The following IRAG2 variants were observed in gnomAD, a reference collection of about 807,000 sequenced individuals.
IRAG2 encodes inositol 1,4,5-triphosphate receptor associated 2, also known as lymphoid restricted membrane protein.
A neutral mutation model predicts 69.9 loss-of-function variants in IRAG2; 45 were observed. The observed-to-expected ratio is 0.64, with a 90% confidence interval of 0.51 to 0.83. The LOEUF (loss-of-function observed/expected upper bound fraction) is 0.83, where lower values mean the gene tolerates loss of function less well. IRAG2 is among the 40% of genes least tolerant of loss of function. IRAG2 has a pLI of 0.00. For synonymous variants in IRAG2, 193 were observed against 202.4 expected (o/e 0.95, Z 0.40); for missense variants, 520 against 587.0 (o/e 0.89, Z 1.18).
intron 6 of IRAG2, among the ~76,000 whole-genome samples, chr12:25,073,258 AT>A (rs1226461258): frequency 6.6e-5 from 10 of 152,124 alleles, no homozygotes; most frequent in African/African-American, 2.2e-4. Context: ...TTATTTGTGT[AT>A]TAGGTGATAA....
At chr12:25,099,945 A>G (rs939050692) in intron 15 of IRAG2, among the ~76,000 whole-genome samples, 1 of 131,254 alleles carries the variant, frequency 7.6e-6, no homozygotes. Flanking sequence ...GGTTGCAATG[A>G]GCCGAGATCG....
chr12:25,072,438 C>T (rs1316776347), intron 6 of IRAG2, among the ~76,000 whole-genome samples: 1 of 152,136 alleles, frequency 6.6e-6, no homozygotes, highest in Non-Finnish European at 1.5e-5. Context: ...AGCCTGGTAA[C>T]TGTACTCTCT....
chr12:25,062,248 TA>T (rs1276986419), intron 2 of IRAG2, among the ~76,000 whole-genome samples: 1 of 152,042 alleles, frequency 6.6e-6, no homozygotes, highest in Non-Finnish European at 1.5e-5. Flanking sequence ...AGAAGGGTGA[TA>T]TTTGCATGTA....
At chr12:25,000,131 T>C (rs565321734), upstream of IRAG2, among the ~76,000 whole-genome samples, 3 of 152,310 alleles carry the variant, frequency 2.0e-5, no homozygotes, top group East Asian at 1.9e-4. Context: ...TGGTTGGCTG[T>C]CTAAAGGGAT....
At chr12:25,026,228 A>G (rs1450137016) in intron 8 of IRAG2, among the ~76,000 whole-genome samples, 1 of 152,222 alleles carries the variant, frequency 6.6e-6, no homozygotes, top group Admixed American at 6.5e-5. Flanking sequence ...TATGATCACC[A>G]GTAAACACTG....
intron 14 of IRAG2, chr12:25,091,234 A>G (rs2140174839): frequency 6.4e-6 from 1 of 156,534 alleles, no homozygotes; most frequent in African/African-American, 2.4e-5. Flanking sequence ...CAGATCTTGA[A>G]ACTCTGTACC....
chr12:25,092,133 C>T (rs11609915), intron 14 of IRAG2, among the ~76,000 whole-genome samples: 69,570 of 149,870 alleles, frequency 0.46, 18,434 homozygotes, highest in East Asian at 0.8. Flanking sequence ...GGTGTGGTAG[C>T]GGGCGTCTGT....
intron 1 of IRAG2, among the ~76,000 whole-genome samples, chr12:25,056,038 TTTC>T: frequency 6.6e-6 from 1 of 152,336 alleles, no homozygotes; most frequent in South Asian, 2.1e-4. Context: ...TATAGCATAA[TTTC>T]TTATTTGAAC....
intron 1 of IRAG2, chr12:25,005,152 G>C (rs1173174326): frequency 3.3e-6 from 2 of 607,924 alleles, no homozygotes; most frequent in Non-Finnish European, 4.8e-6. Flanking sequence ...ATTATGATAG[G>C]TTTTCTTTGT....
intron 14 of IRAG2, 142 bp downstream of exon 14, chr12:25,090,339 C>T: frequency 1.6e-6 from 1 of 630,164 alleles, no homozygotes; most frequent in East Asian, 3.0e-5. Flanking sequence ...GCCCGGAGTT[C>T]AAGATCATCC....
chr12:25,092,123 G>A lies in IRAG2; in HGVS notation c.606+1926G>A, dbSNP rs545080248. On this transcript the variant is annotated intron_variant, in intron 14 of 21. Coordinates refer to ENST00000556887, the MANE Select transcript of IRAG2 (RefSeq NM_001366544.2). Reference sequence around the variant, plus strand: ...CTACTACAAATACAAAAATTAGCCAGGTGTGGTAGCGGGCGTCTGTAGTCC... The same window carrying A: ...CTACTACAAATACAAAAATTAGCCAAGTGTGGTAGCGGGCGTCTGTAGTCC... 2.6e-5 allele frequency among the ~76,000 whole-genome samples: 4 copies of A among 151,936 alleles called. No homozygotes were observed. In the South Asian group the frequency reaches 8.4e-4, roughly 32 times the overall value.
chr12:25,040,608 G>A (rs56133364), intron 16 of IRAG2, among the ~76,000 whole-genome samples: 15,687 of 152,246 alleles, frequency 0.1, 903 homozygotes, highest in East Asian at 0.21. Context: ...GGTAGGAAAT[G>A]TTTATTAAAG....
rs539557583 is a variant in IRAG2 at position 25,010,226 on chromosome 12, C to T, written c.689-1118C>T. Among the ~76,000 whole-genome samples the T allele has an allele frequency of 9.9e-5, 15 of 152,258 alleles. No homozygotes were observed. The East Asian group carries it at 2.7e-3, about 27-fold the overall frequency. ...GTACAGTGACTCACACCTGTAATCT[C>T]AGCACTTTGGGAGGCCCAGGCAGGT... On this transcript the variant is annotated intron_variant, in intron 2 of 38. Coordinates refer to the IRAG2 transcript ENST00000636465.
At chr12:25,055,118 G>C (rs757914431) in intron 1 of IRAG2, among the ~76,000 whole-genome samples, 13 of 152,348 alleles carry the variant, frequency 8.5e-5, no homozygotes, top group Non-Finnish European at 1.6e-4. Flanking sequence ...AGTTGCATCA[G>C]CACATTGTGT....
exon 1 of IRAG2, chr12:25,004,553 C>T (rs58990176): frequency 0.013 from 15,521 of 1,232,050 alleles, 387 homozygotes; most frequent in African/African-American, 0.1. Flanking sequence ...TGTGTTCCTA[C>T]GCCCGGCTCT....
intron 16 of IRAG2, among the ~76,000 whole-genome samples, chr12:25,039,177 T>C (rs1029024261): frequency 1.3e-5 from 2 of 152,204 alleles, no homozygotes; most frequent in African/African-American, 4.8e-5. Flanking sequence ...TATATTTCAC[T>C]TGAACAAAAT....
intron 6 of IRAG2, among the ~76,000 whole-genome samples, chr12:25,073,611 C>T (rs11047811): frequency 1.1e-4 from 17 of 152,050 alleles, no homozygotes; most frequent in African/African-American, 2.4e-4. Context: ...GAGCAAAGAA[C>T]GCTAACAAGG....
chr12:25,105,261 A>T (rs1274036271), intron 20 of IRAG2, among the ~76,000 whole-genome samples: 1 of 151,890 alleles, frequency 6.6e-6, no homozygotes, highest in Non-Finnish European at 1.5e-5. Context: ...TATTTTTAGT[A>T]GAGACGGGGT....
rs116705592 is a variant in IRAG2 at position 25,085,708 on chromosome 12, C to A, written c.315+2215C>A. ...GGTGGAGCCCTCACTGGGGACCCCG[C>A]CTTTCTCTATCCAGCACTTCCCTGC... is the stretch of plus-strand genomic sequence containing the variant. On this transcript the variant is annotated intron_variant, in intron 10 of 21. Coordinates refer to ENST00000556887, the MANE Select transcript of IRAG2 (RefSeq NM_001366544.2). Among the ~76,000 whole-genome samples the A allele has an allele frequency of 4.2e-3, 592 of 141,046 alleles. 7 individuals carry two copies. The highest frequency in any genetic ancestry group is 0.018 in the African/African-American group (572 of 31,032). 92.5% of individuals were successfully genotyped at this position (141,046 alleles called of 152,430 possible). A position where few individuals can be genotyped will look rare whatever the true frequency, so the allele number is the denominator to read the frequency against.
Sources: allele counts gnomAD v4.1 joint callset (sites outside exome capture counted in the v4.1 genomes callset), GRCh38; gene constraint gnomAD v4.1.1; transcripts MANE v1.5; gene names NCBI Gene and HGNC (gene_info 2026-07-23, HGNC 2026-07-21).